The following ZNF804B variants were observed in gnomAD, a reference collection of about 807,000 sequenced individuals.
ZNF804B encodes the protein zinc finger 804B.
ZNF804B carries 80 observed loss-of-function variants against 101.4 expected under a neutral mutation model. That is an observed-to-expected ratio of 0.79 (90% CI 0.66 to 0.95). The LOEUF (loss-of-function observed/expected upper bound fraction) is 0.95. ZNF804B is among the 40% of genes least tolerant of loss of function. ZNF804B has a pLI of 0.00. For synonymous variants in ZNF804B, 622 were observed against 558.8 expected (o/e 1.11, Z -1.59); for missense variants, 1,673 against 1,561.9 (o/e 1.07, Z -1.20).
intron 1 of ZNF804B, among the ~76,000 whole-genome samples, chr7:88,926,932 G>GTGT (rs1792809205): frequency 3.6e-5 from 4 of 109,838 alleles, no homozygotes; most frequent in African/African-American, 2.0e-4. Flanking sequence ...TGTCTGCCGG[G>GTGT]TGGTGGGGAG....
intron 1 of ZNF804B, among the ~76,000 whole-genome samples, chr7:89,128,614 T>C (rs1790505687): frequency 6.6e-6 from 1 of 152,044 alleles, no homozygotes; most frequent in Non-Finnish European, 1.5e-5. Context: ...AGCCATTCTT[T>C]TGCTGTGTGT....
intron 1 of ZNF804B, among the ~76,000 whole-genome samples, chr7:89,163,714 T>A (rs1203149143): frequency 6.6e-6 from 1 of 152,166 alleles, no homozygotes; most frequent in Non-Finnish European, 1.5e-5. Context: ...ATGACTAAAG[T>A]TGAAGTGGAT....
In ZNF804B at chr7:88,821,522, T is replaced by A. The variant is rs117945190; in HGVS notation, c.108+61438T>A. 1.8e-3 allele frequency among the ~76,000 whole-genome samples: 281 copies of A among 152,284 alleles called. 7 individuals are homozygous for A. The East Asian group carries it at 0.037, about 20-fold the overall frequency. ...CCATGGAAAGGAGGAGAATATAATATTGAATATAGTATATTTAAACAATAT... is the reference window on the plus strand; with the variant it reads ...CCATGGAAAGGAGGAGAATATAATAATGAATATAGTATATTTAAACAATAT... On this transcript the variant is annotated intron_variant, in intron 1 of 3. Coordinates refer to ENST00000333190, the MANE Select transcript of ZNF804B (RefSeq NM_181646.5).
At chr7:88,805,603 A>G (rs545256624) in intron 1 of ZNF804B, among the ~76,000 whole-genome samples, 4 of 152,328 alleles carry the variant, frequency 2.6e-5, no homozygotes, top group East Asian at 3.9e-4. Flanking sequence ...ATAAGGTACG[A>G]TCACTTTTTT....
chr7:88,995,686 A>G (rs1788181522), intron 1 of ZNF804B, among the ~76,000 whole-genome samples: 1 of 152,038 alleles, frequency 6.6e-6, no homozygotes, highest in Non-Finnish European at 1.5e-5. Context: ...CTCCTTCCAA[A>G]GAGTGCTGTA....
At chr7:89,266,610 C>T (rs1197896160) in intron 2 of ZNF804B, among the ~76,000 whole-genome samples, 1 of 152,154 alleles carries the variant, frequency 6.6e-6, no homozygotes, top group Non-Finnish European at 1.5e-5. Flanking sequence ...AGCCTTCTCA[C>T]ATATGTTATC....
rs1384350392 is a variant in ZNF804B, at chr7:89,335,656, A to G, written c.2674A>G (p.Asn892Asp). Residue 892 changes from asparagine to aspartate, a missense_variant, in exon 4 of 4, where the codon AAC (asparagine) becomes GAC (aspartate). Physicochemically the swap from Asn to Asp is conservative, Grantham distance 23. Coordinates refer to ENST00000333190, the MANE Select transcript of ZNF804B (RefSeq NM_181646.5). ...GGGAAAAGTCAGGCCCATGAAGTGT[A>G]ACTCCGGGAATATCAGCTGCCTTCT... is the stretch of plus-strand genomic sequence containing the variant. The part of the protein sequence containing the change: ...DLGKVRPMKC[N>D]SGNISCLLKN... 1.2e-6 allele frequency: 2 copies of G among 1,614,042 alleles called. No individual in the cohort carries two copies. Among genetic ancestry groups the G allele is most frequent in the East Asian group, 2.2e-5 (1 of 44,860 alleles).
intron 1 of ZNF804B, among the ~76,000 whole-genome samples, chr7:89,047,722 G>A (rs958594697): frequency 6.6e-6 from 1 of 152,142 alleles, no homozygotes; most frequent in African/African-American, 2.4e-5. Flanking sequence ...GGTGACAACA[G>A]CATGAACTCA....
At chr7:88,877,869 A>G (rs1386370494) in intron 1 of ZNF804B, among the ~76,000 whole-genome samples, 2 of 152,160 alleles carry the variant, frequency 1.3e-5, no homozygotes, top group Non-Finnish European at 2.9e-5. Flanking sequence ...AAGTTGTGTG[A>G]TAATATGTTA....
At chr7:89,171,918 T>C (rs1791243159) in intron 1 of ZNF804B, among the ~76,000 whole-genome samples, 1 of 152,164 alleles carries the variant, frequency 6.6e-6, no homozygotes, top group Non-Finnish European at 1.5e-5. Flanking sequence ...TTGGGGGAAC[T>C]CTGAGATGCC....
At chr7:89,076,812 T>C (rs1207785029) in intron 1 of ZNF804B, among the ~76,000 whole-genome samples, 1 of 152,122 alleles carries the variant, frequency 6.6e-6, no homozygotes, top group Non-Finnish European at 1.5e-5. Flanking sequence ...AATTCAGTAT[T>C]AGTGGGTGGA....
In ZNF804B at chr7:89,116,240, A is replaced by G. The variant is rs138337778; in HGVS notation, c.109-101915A>G. Reference sequence around the variant, plus strand: ...CGGTTTTTGTTTTTTTAATTGAAACAGAAAGTAAAGACCGTGATTCTTGAA... The same window carrying G: ...CGGTTTTTGTTTTTTTAATTGAAACGGAAAGTAAAGACCGTGATTCTTGAA... On this transcript the variant is annotated intron_variant, in intron 1 of 3. Coordinates refer to ENST00000333190, the MANE Select transcript of ZNF804B (RefSeq NM_181646.5). 7.9e-4 allele frequency among the ~76,000 whole-genome samples: 120 copies of G among 152,218 alleles called. No homozygotes were observed. In the East Asian group the frequency reaches 0.021, roughly 27 times the overall value.
At chr7:89,169,220 C>T (rs544962993) in intron 1 of ZNF804B, among the ~76,000 whole-genome samples, 4 of 152,074 alleles carry the variant, frequency 2.6e-5, no homozygotes, top group Non-Finnish European at 5.9e-5. Context: ...AACCTCAGCT[C>T]GAGCTGGAAC....
intron 2 of ZNF804B, among the ~76,000 whole-genome samples, chr7:89,311,620 A>G (rs1483269318): frequency 6.6e-6 from 1 of 152,182 alleles, no homozygotes; most frequent in East Asian, 1.9e-4. Flanking sequence ...TAGATACTTC[A>G]TGGGAATTAA....
intron 1 of ZNF804B, among the ~76,000 whole-genome samples, chr7:89,107,169 G>C (rs555131134): frequency 6.6e-6 from 1 of 152,032 alleles, no homozygotes. Flanking sequence ...TATTTATAAT[G>C]TATTCATAAA....
At chr7:88,926,747 A>C (rs1792805937) in intron 1 of ZNF804B, among the ~76,000 whole-genome samples, 1 of 152,120 alleles carries the variant, frequency 6.6e-6, no homozygotes, top group African/African-American at 2.4e-5. Context: ...ATCTTTCCCC[A>C]TACCCAACAT....
At chr7:89,080,805 A>C (rs1307541786) in intron 1 of ZNF804B, among the ~76,000 whole-genome samples, 2 of 151,936 alleles carry the variant, frequency 1.3e-5, no homozygotes, top group Non-Finnish European at 2.9e-5. Flanking sequence ...TAGCAAGTTA[A>C]AGCAGGGTGT....
intron 1 of ZNF804B, among the ~76,000 whole-genome samples, chr7:88,995,085 G>T (rs186616466): frequency 2.0e-5 from 3 of 152,160 alleles, no homozygotes; most frequent in African/African-American, 7.2e-5. Context: ...GATTTTCAGA[G>T]GTCCTTGCAT....
chr7:88,970,865 G>A (rs1000697697), intron 1 of ZNF804B, among the ~76,000 whole-genome samples: 1 of 150,612 alleles, frequency 6.6e-6, no homozygotes, highest in African/African-American at 2.4e-5. Context: ...TATACCTAAC[G>A]CTAAATGACA....
Sources: allele counts gnomAD v4.1 joint callset (sites outside exome capture counted in the v4.1 genomes callset), GRCh38; gene constraint gnomAD v4.1.1; transcripts MANE v1.5; gene names NCBI Gene and HGNC (gene_info 2026-07-23, HGNC 2026-07-21).